The following DMXL1 variants were observed in gnomAD, a reference collection of about 807,000 sequenced individuals.
The protein encoded by DMXL1 is Dmx like 1.
In DMXL1, 99 loss-of-function variants were observed where a neutral mutation model predicts 319.2. The ratio of observed to expected loss-of-function variants is 0.31; its 90% CI spans 0.26 to 0.37. The LOEUF is 0.37. Among genes scored for constraint, DMXL1 ranks in the 10% least tolerant of loss-of-function variants. The probability of loss-of-function intolerance (pLI) is 1.00; values close to 1 mark genes in which losing one functional copy is unlikely to be tolerated. For missense variants in DMXL1, 3,745 were observed against 3,595.6 expected, an observed-to-expected ratio of 1.04 and a Z score of -1.06; for synonymous variants, 1,385 against 1,235.2, an observed-to-expected ratio of 1.12 and a Z score of -2.54.
chr5:119,121,202 G>T lies in DMXL1; in HGVS notation c.1102+63G>T, dbSNP rs941097501. Reference sequence around the variant, plus strand: ...AATAGATTGATTTTATAACAACTAAGTTATACTTTTAGTTTTCAAATAAGT... The same window carrying T: ...AATAGATTGATTTTATAACAACTAATTTATACTTTTAGTTTTCAAATAAGT... On this transcript the variant is annotated intron_variant, in intron 9 of 43. Coordinates refer to ENST00000539542, the MANE Select transcript of DMXL1 (RefSeq NM_001290321.3). 3.7e-6 allele frequency: 5 copies of T among 1,352,148 alleles called. No individual in the cohort carries two copies. In the African/African-American group the frequency reaches 7.4e-5, roughly 20 times the overall value. 83.8% of individuals were successfully genotyped at this position (1,352,148 alleles called of 1,614,324 possible). A position where few individuals can be genotyped will look rare whatever the true frequency, so the allele number is the denominator to read the frequency against.
At chr5:119,145,479 A>T (rs2150119075) in intron 15 of DMXL1, among the ~76,000 whole-genome samples, 1 of 151,944 alleles carries the variant, frequency 6.6e-6, no homozygotes, top group East Asian at 1.9e-4. Context: ...TGTTGGAAGT[A>T]TGCTAAAAAT....
At chr5:119,195,387 G>A (rs1446872834) in intron 30 of DMXL1, among the ~76,000 whole-genome samples, 1 of 152,164 alleles carries the variant, frequency 6.6e-6, no homozygotes, top group African/African-American at 2.4e-5. Context: ...AATGTGCTAT[G>A]TACGTTCAAC....
intron 1 of DMXL1, among the ~76,000 whole-genome samples, chr5:119,084,864 C>CA (rs767235744): frequency 0.03 from 2,064 of 69,750 alleles, 34 homozygotes; most frequent in African/African-American, 0.076. Flanking sequence ...AACTCCGTCT[C>CA]AAAAAAAAAA....
chr5:119,242,412 C>CA (rs1379670301), intron 42 of DMXL1, among the ~76,000 whole-genome samples: 1 of 152,090 alleles, frequency 6.6e-6, no homozygotes, highest in Non-Finnish European at 1.5e-5. Context: ...ATAAATCTAA[C>CA]AAAATATGTA....
In DMXL1 at chr5:119,189,765, T is replaced by C. The variant is rs758332368; in HGVS notation, c.7193T>C (p.Met2398Thr). 1 of 1,614,118 alleles carries C rather than the reference T, an allele frequency of 6.2e-7. No individual in the cohort carries two copies. The highest frequency in any genetic ancestry group is 8.5e-7 in the Non-Finnish European group (1 of 1,179,994). The change falls in exon 29 of 44, where the codon ATG (methionine) becomes ACG (threonine). Residue 2398 changes from methionine (M) to threonine (T), a missense_variant. By Grantham distance (81) the Met-to-Thr change is moderately conservative. Transcript: ENST00000539542. Reference sequence around the variant, plus strand: ...AACAAACGTTTTAGGCCGTCAAAAATGTCTTGCAGAGAATCTGCCCCACTG... The same window carrying C: ...AACAAACGTTTTAGGCCGTCAAAAACGTCTTGCAGAGAATCTGCCCCACTG... Reference protein sequence around the residue: ...KQNKRFRPSKMSCRESAPLTP... With the variant: ...KQNKRFRPSKTSCRESAPLTP...
intron 30 of DMXL1, among the ~76,000 whole-genome samples, chr5:119,194,245 C>T (rs1018862199): frequency 2.6e-5 from 4 of 152,010 alleles, no homozygotes; most frequent in African/African-American, 9.7e-5. Context: ...ATTAATGGAC[C>T]ATCCGTAATT....
Position 119,147,215 on chromosome 5 carries a change from C to T in DMXL1, c.2690-34C>T, listed in dbSNP as rs765949843. The T allele has an allele frequency of 4.5e-6, 7 of 1,564,304 alleles. No homozygotes were observed. The Admixed American group carries it at 1.2e-4, about 27-fold the overall frequency. ...TCGTAATATTTATAGGGTTCCCCTG[C>T]CTCAGTTTTTGGTTCTTTTCTTATG... On this transcript the variant is annotated intron_variant, in intron 16 of 43. Transcript: ENST00000539542.
intron 34 of DMXL1, among the ~76,000 whole-genome samples, chr5:119,210,688 T>C (rs1782605220): frequency 6.6e-6 from 1 of 151,634 alleles, no homozygotes; most frequent in Non-Finnish European, 1.5e-5. Flanking sequence ...TTATAATAAA[T>C]CATGAAGTCA....
At chr5:119,122,256 GC>G (rs1235310426) in intron 9 of DMXL1, among the ~76,000 whole-genome samples, 2 of 145,700 alleles carry the variant, frequency 1.4e-5, no homozygotes, top group Non-Finnish European at 3.1e-5. Flanking sequence ...GGCTGGCTGG[GC>G]GGGGGGCCGA....
chr5:119,169,253 T>TA (rs1774070046), intron 23 of DMXL1, among the ~76,000 whole-genome samples: 1 of 152,246 alleles, frequency 6.6e-6, no homozygotes, highest in Non-Finnish European at 1.5e-5. Context: ...CATTTTTACA[T>TA]ACTTTTATTA....
rs1759242022 is a variant in DMXL1 at position 119,110,083 on chromosome 5, T to A, written c.365-68T>A. 1.0e-5 allele frequency: 14 copies of A among 1,394,002 alleles called. No individual in the cohort carries two copies. In the South Asian group the frequency reaches 1.1e-4, roughly 11 times the overall value. 86.4% of individuals were successfully genotyped at this position (1,394,002 alleles called of 1,614,324 possible). On this transcript the variant is annotated intron_variant, in intron 4 of 43. Transcript: ENST00000539542. ...TTTTAGAAGTTGTTTTATATGAAAT[T>A]CTTGAGCATGTAAATTAAGTCACTA... is the stretch of plus-strand genomic sequence containing the variant.
chr5:119,081,650 G>C, intron 1 of DMXL1: 1 of 985,310 alleles, frequency 1.0e-6, no homozygotes, highest in Non-Finnish European at 1.2e-6. Context: ...TAGAGCCGCA[G>C]AAACAAAGAT....
chr5:119,128,524 TAAATG>T (rs1025028347), intron 9 of DMXL1: 6 of 157,674 alleles, frequency 3.8e-5, no homozygotes, highest in African/African-American at 1.2e-4. Flanking sequence ...GATTTAAAGA[TAAATG>T]AAATATTATA....
At chr5:119,110,628 G>T (rs1047103300) in intron 5 of DMXL1, among the ~76,000 whole-genome samples, 28 of 152,112 alleles carry the variant, frequency 1.8e-4, no homozygotes, top group Non-Finnish European at 2.4e-4. Flanking sequence ...TCTATATATT[G>T]AACATAATCC....
intron 1 of DMXL1, among the ~76,000 whole-genome samples, chr5:119,091,014 T>C (rs1371265994): frequency 6.6e-5 from 10 of 152,146 alleles, no homozygotes. Context: ...TTTTTAAAAA[T>C]ATTTCAATCT....
rs572146498 is a variant in DMXL1 at position 119,197,785 on chromosome 5, C to T, written c.7574C>T (p.Ala2525Val). Residue 2525 changes from alanine to valine, a missense_variant, in exon 32 of 44, where the codon GCG becomes GTG. By Grantham distance (64) the Ala-to-Val change is moderately conservative. Around this residue, in one of 4 missense-constraint regions of DMXL1, gnomAD observed 1,382 missense variants for 1,269.5 expected, o/e 1.09. Coordinates refer to ENST00000539542, the MANE Select transcript of DMXL1 (RefSeq NM_001290321.3). ...CCAGTTAGTTCACCTCTTTGTCATG[C>T]GGTTCTAAAAACTCTTCAATGTTGG... is the stretch of plus-strand genomic sequence containing the variant. Reference protein sequence around the residue: ...ELPVSSPLCHAVLKTLQCWEQ... With the variant: ...ELPVSSPLCHVVLKTLQCWEQ... 3.7e-6 allele frequency: 6 copies of T among 1,614,046 alleles called. No individual in the cohort carries two copies. The South Asian group carries it at 4.4e-5, about 12-fold the overall frequency.
intron 9 of DMXL1, among the ~76,000 whole-genome samples, chr5:119,121,693 A>C (rs1762090063): frequency 6.6e-6 from 1 of 152,212 alleles, no homozygotes; most frequent in African/African-American, 2.4e-5. Flanking sequence ...CTCTACACAG[A>C]CACGGCAACC....
At chr5:119,154,007 A>G (rs1029574051) in intron 19 of DMXL1, among the ~76,000 whole-genome samples, 1 of 152,252 alleles carries the variant, frequency 6.6e-6, no homozygotes, top group East Asian at 1.9e-4. Context: ...TACTATTATA[A>G]TGGTTTTGGA....
chr5:119,238,910 C>T, intron 40 of DMXL1, 79 bp from the exon 41 acceptor site: 1 of 1,555,922 alleles, frequency 6.4e-7, no homozygotes, highest in Non-Finnish European at 8.7e-7. Context: ...ACTACATGAT[C>T]ACTTTTCGAA....
Sources: allele counts gnomAD v4.1 joint callset (sites outside exome capture counted in the v4.1 genomes callset), GRCh38; gene constraint gnomAD v4.1.1; regional missense constraint gnomAD v4.1.1; transcripts MANE v1.5; gene names NCBI Gene and HGNC (gene_info 2026-07-23, HGNC 2026-07-21).